DHRS4L2: variants seen among roughly 807,000 people sequenced by gnomAD.
The protein encoded by DHRS4L2 is dehydrogenase/reductase SDR family member 4-like 2.
Under a neutral mutation model 23.9 loss-of-function variants are expected in DHRS4L2, and 22 were observed. The ratio of observed to expected loss-of-function variants is 0.92; its 90% CI spans 0.66 to 1.31. DHRS4L2 has a LOEUF of 1.31. Ranked by LOEUF, DHRS4L2 falls within the 40% of genes most tolerant of loss-of-function variation. The pLI is 0.00. For missense variants in DHRS4L2, 385 were observed against 303.3 expected, an observed-to-expected ratio of 1.27 and a Z score of -2.00; for synonymous variants, 141 against 123.7, an observed-to-expected ratio of 1.14 and a Z score of -0.93.
At position 24,000,886 on chromosome 14, in the gene DHRS4L2, C is replaced by T. The variant is rs1355303764; in HGVS notation, c.432C>T (p.Ala144=). 1 of 1,610,694 alleles carries T rather than the reference C, an allele frequency of 6.2e-7. No individual in the cohort carries two copies. The highest frequency in any genetic ancestry group is 2.2e-5 in the East Asian group (1 of 44,876). The change falls in exon 4 of 8, where the codon GCC becomes GCT. Residue 144 remains alanine (A), a synonymous_variant. Transcript: ENST00000335125. ...AGACTCTGGACATTAATGTGAAGGC[C>T]CCAGCCCTGATGACAAAGGCAGTGG... ...WDKTLDINVK[A]PALMTKAVVP...
intron 7 of DHRS4L2, chr14:24,004,788 AAG>A (rs1396873360): frequency 4.3e-6 from 1 of 231,862 alleles, no homozygotes; most frequent in Non-Finnish European, 7.4e-6. Flanking sequence ...GAAAAGAATG[AAG>A]AGTTTTACTA....
In DHRS4L2 at chr14:24,001,485, C is replaced by T. The variant is rs766078039; in HGVS notation, c.633C>T (p.His211=). The change falls in exon 6 of 8, where the codon CAC becomes CAT. Residue 211 remains histidine, a synonymous_variant. Transcript: ENST00000335125. ...APRNIRVNCL[H]LDLSRLASAG... is the part of the protein sequence containing the mutation. Reference sequence around the variant, plus strand: ...GGAACATTAGGGTGAACTGCCTGCACCTGGACTTATCAAGACTAGCTTCAG... The same window carrying T: ...GGAACATTAGGGTGAACTGCCTGCATCTGGACTTATCAAGACTAGCTTCAG... 3 of 1,603,748 alleles carry T rather than the reference C, an allele frequency of 1.9e-6. No individual in the cohort carries two copies. The highest frequency in any genetic ancestry group is 2.5e-6 in the Non-Finnish European group (3 of 1,177,680).
chr14:23,989,484 C>T (rs2034220892), intron 1 of DHRS4L2, among the ~76,000 whole-genome samples: 1 of 149,508 alleles, frequency 6.7e-6, no homozygotes, highest in Admixed American at 6.6e-5. Context: ...TGTCCCGGAA[C>T]CCCTCCCCCT....
intron 3 of DHRS4L2, among the ~76,000 whole-genome samples, chr14:23,996,263 G>C (rs938184785): frequency 4.0e-5 from 6 of 151,596 alleles, no homozygotes; most frequent in Non-Finnish European, 8.8e-5. Flanking sequence ...ATGGGACTTA[G>C]AGGGGACAAA....
At chr14:23,976,495 G>C (rs979275397) in intron 1 of DHRS4L2, among the ~76,000 whole-genome samples, 4 of 151,754 alleles carry the variant, frequency 2.6e-5, no homozygotes, top group Admixed American at 2.6e-4. Context: ...AAGGCTTTTA[G>C]ACTGTTGGTG....
At chr14:23,987,224 G>C (rs375336463), upstream of DHRS4L2, 2 of 365,552 alleles carry the variant, frequency 5.5e-6, no homozygotes, top group African/African-American at 2.2e-5. Context: ...TCCGCATCCC[G>C]TGTTCATGCC....
intron 3 of DHRS4L2, among the ~76,000 whole-genome samples, chr14:23,996,589 AC>A (rs2034386753): frequency 6.7e-6 from 1 of 150,276 alleles, no homozygotes. Context: ...TTTGCTGCTA[AC>A]CATTTAAGTT....
chr14:23,977,912 T>C (rs2033997548), intron 1 of DHRS4L2, among the ~76,000 whole-genome samples: 1 of 151,642 alleles, frequency 6.6e-6, no homozygotes. Context: ...GCTGTAACTA[T>C]GTGCCAACCT....
At chr14:23,998,041 T>A (rs2138552838) in intron 3 of DHRS4L2, among the ~76,000 whole-genome samples, 1 of 152,024 alleles carries the variant, frequency 6.6e-6, no homozygotes, top group East Asian at 1.9e-4. Context: ...GATGTTGTGT[T>A]AGCAGGCATG....
rs559917363 is a variant in DHRS4L2 at position 23,981,560 on chromosome 14, GAAAT to G, written c.-175-8619_-175-8616del. ...CAGGCAGGATGAGAGACTGAGGAAA[GAAAT>G]AAGACACAGAGACAAAGTATAGAGA... On this transcript the variant is annotated intron_variant, in intron 1 of 5. Coordinates refer to the DHRS4L2 transcript ENST00000534993. Among the ~76,000 whole-genome samples, 271 of 151,796 alleles carry G rather than the reference GAAAT, an allele frequency of 1.8e-3. 2 individuals are homozygous for G. The highest frequency in any genetic ancestry group is 3.4e-3 in the Middle Eastern group (1 of 294).
chr14:23,987,992 A>G (rs1000805345), upstream of DHRS4L2, among the ~76,000 whole-genome samples: 91 of 151,848 alleles, frequency 6.0e-4, 1 homozygote, highest in African/African-American at 2.2e-3. Flanking sequence ...CACAGAATTT[A>G]TAGCTGGCAA....
upstream of DHRS4L2, among the ~76,000 whole-genome samples, chr14:23,985,176 CATG>C (rs975828201): frequency 8.6e-5 from 13 of 151,600 alleles, no homozygotes; most frequent in Admixed American, 7.2e-4. Flanking sequence ...ATTTTGCAAT[CATG>C]ATAAACAGTT....
At chr14:23,986,332 G>A (rs760637681), upstream of DHRS4L2, among the ~76,000 whole-genome samples, 1 of 151,242 alleles carries the variant, frequency 6.6e-6, no homozygotes, top group Non-Finnish European at 1.5e-5. Flanking sequence ...CACAGGGTGG[G>A]GAACATCACA....
chr14:23,973,440 AGCG>A (rs1453065765), intron 1 of DHRS4L2, among the ~76,000 whole-genome samples: 2 of 151,952 alleles, frequency 1.3e-5, no homozygotes, highest in Non-Finnish European at 1.5e-5. Flanking sequence ...CCCACAGTGC[AGCG>A]GCGGGCTGAA....
At chr14:23,999,223 A>C (rs555104134) in intron 3 of DHRS4L2, among the ~76,000 whole-genome samples, 1 of 150,696 alleles carries the variant, frequency 6.6e-6, no homozygotes, top group Admixed American at 6.6e-5. Context: ...CAGATATAAT[A>C]ATAATGGAAA....
intron 2 of DHRS4L2, chr14:23,990,743 G>A (rs941121076): frequency 3.5e-5 from 26 of 751,612 alleles, no homozygotes; most frequent in Admixed American, 5.3e-5. Flanking sequence ...CCATGTTTCA[G>A]CCACTTACTA....
At chr14:23,970,371 C>T (rs1255044650) in intron 1 of DHRS4L2, 4 of 403,198 alleles carry the variant, frequency 9.9e-6, no homozygotes, top group Non-Finnish European at 2.0e-5. Context: ...GGGGCCGAAA[C>T]TGCATCAGTT....
upstream of DHRS4L2, among the ~76,000 whole-genome samples, chr14:23,987,467 A>C (rs2034174622): frequency 6.6e-6 from 1 of 151,592 alleles, no homozygotes; most frequent in Non-Finnish European, 1.5e-5. Context: ...GCTGACCTGC[A>C]CATATACTAA....
At chr14:23,986,543 T>C (rs934443946), upstream of DHRS4L2, among the ~76,000 whole-genome samples, 3 of 149,122 alleles carry the variant, frequency 2.0e-5, no homozygotes, top group Non-Finnish European at 3.0e-5. Flanking sequence ...GAAAAAGAAA[T>C]AGTGCTGGAG....
Sources: allele counts gnomAD v4.1 joint callset (sites outside exome capture counted in the v4.1 genomes callset), GRCh38; gene constraint gnomAD v4.1.1; transcripts MANE v1.5; gene names NCBI Gene and HGNC (gene_info 2026-07-23, HGNC 2026-07-21).